Variants in SEPTIN9 observed in about 807,000 individuals in gnomAD.
The protein encoded by SEPTIN9 is septin-9.
SEPTIN9 carries 13 observed loss-of-function variants against 56.6 expected under a neutral mutation model. The observed-to-expected ratio is 0.23, with a 90% CI of 0.15 to 0.37. The LOEUF (loss-of-function observed/expected upper bound fraction) is 0.37. Among genes scored for constraint, SEPTIN9 ranks in the 10% least tolerant of loss-of-function variants. The pLI, the probability that SEPTIN9 is intolerant of heterozygous loss-of-function variation, is 1.00. For missense variants in SEPTIN9, 650 were observed against 823.1 expected (o/e 0.79, Z 2.57); for synonymous variants, 332 against 334.1 (o/e 0.99, Z 0.07).
Position 77,434,169 on chromosome 17 carries a change from C to A in SEPTIN9, c.721+31466C>A, listed in dbSNP as rs964030107. Among the ~76,000 whole-genome samples, 1 of 152,188 alleles carries A rather than the reference C, an allele frequency of 6.6e-6. No individual in the cohort carries two copies. Among genetic ancestry groups the A allele is most frequent in the East Asian group, 1.9e-4 (1 of 5,196 alleles). On this transcript the variant is annotated intron_variant, in intron 3 of 11. Transcript: ENST00000427177. This position sits in a 1 kb window ranked among gnomAD's most constrained non-coding sequence, Gnocchi z 5.0. ...GAGGCAGGGCCCCTTCCCCTTTAAT[C>A]TGGGCAACCTTGCTTTGGCCTGCTG...
chr17:77,460,073 A>AC (rs557058772), intron 3 of SEPTIN9, among the ~76,000 whole-genome samples: 31 of 79,062 alleles, frequency 3.9e-4, no homozygotes, highest in South Asian at 1.3e-3. Context: ...CCCAAGCCCC[A>AC]CCCCCCCCAG....
chr17:77,479,883 T>C (rs1172827308), intron 3 of SEPTIN9, among the ~76,000 whole-genome samples: 2 of 152,150 alleles, frequency 1.3e-5, no homozygotes, highest in Non-Finnish European at 2.9e-5. Context: ...GGGACTGAAC[T>C]GCTGCCCCGC....
At chr17:77,485,091 GGTGGTGATT>G (rs1345940959) in intron 4 of SEPTIN9, among the ~76,000 whole-genome samples, 1 of 9,892 alleles carries the variant, frequency 1.0e-4, no homozygotes, top group South Asian at 3.1e-3. Context: ...AAGGGGTGAT[GGTGGTGATT>G]GTGGTGATGT....
intron 3 of SEPTIN9, among the ~76,000 whole-genome samples, chr17:77,441,090 G>C (rs889799407): frequency 6.6e-6 from 1 of 152,188 alleles, no homozygotes; most frequent in Non-Finnish European, 1.5e-5. Flanking sequence ...TGGTGTGCTG[G>C]GCTCCTGGTT....
chr17:77,298,022 C>CGAG (rs2031890983), intron 1 of SEPTIN9, among the ~76,000 whole-genome samples: 1 of 152,024 alleles, frequency 6.6e-6, no homozygotes, highest in Non-Finnish European at 1.5e-5. Context: ...GTAGAGCAGG[C>CGAG]GAGGAGGAGG....
intron 2 of SEPTIN9, among the ~76,000 whole-genome samples, chr17:77,352,618 C>T (rs141931487): frequency 4.7e-4 from 72 of 152,246 alleles, no homozygotes; most frequent in African/African-American, 1.7e-3. Flanking sequence ...CTGGCCTTCA[C>T]CCTGTGTCTC....
At position 77,319,617 on chromosome 17, in the gene SEPTIN9, A is replaced by G. The variant is rs2032831150; in HGVS notation, c.76+12420A>G. On this transcript the variant is annotated intron_variant, in intron 2 of 11. Coordinates refer to ENST00000427177, the MANE Select transcript of SEPTIN9 (RefSeq NM_001113491.2). This position sits in a 1 kb window ranked among gnomAD's most constrained non-coding sequence, Gnocchi z 5.3. ...TTTTCTCAGCACGCTGGCCTGGGGC[A>G]CGGCCGTTCCTCCTGCCCAGCCACG... 3 of 1,061,268 alleles carry G rather than the reference A, an allele frequency of 2.8e-6. No homozygotes were observed. Among genetic ancestry groups the G allele is most frequent in the South Asian group, 4.6e-5 (1 of 21,936 alleles). The allele number at this position is 1,061,268 out of a possible 1,614,324, so 65.7% of individuals were successfully genotyped here.
intron 4 of SEPTIN9, among the ~76,000 whole-genome samples, chr17:77,484,727 A>G (rs1447064112): frequency 2.2e-3 from 49 of 21,948 alleles, no homozygotes; most frequent in African/African-American, 6.5e-3. Context: ...GGTGGTGGTG[A>G]TTGTGATGGT....
intron 1 of SEPTIN9, among the ~76,000 whole-genome samples, chr17:77,293,362 A>G (rs193158166): frequency 1.3e-5 from 2 of 152,028 alleles, no homozygotes; most frequent in African/African-American, 2.4e-5. Flanking sequence ...AGGTCTTACT[A>G]TGTTGCCCAG....
intron 3 of SEPTIN9, among the ~76,000 whole-genome samples, chr17:77,419,369 C>CGCT (rs1300954700): frequency 6.6e-6 from 1 of 151,936 alleles, no homozygotes; most frequent in East Asian, 1.9e-4. Flanking sequence ...CAGCAGCCGC[C>CGCT]GCAGGGACCC....
At chr17:77,334,455 TG>T (rs2033470559) in intron 2 of SEPTIN9, among the ~76,000 whole-genome samples, 2 of 151,708 alleles carry the variant, frequency 1.3e-5, no homozygotes, top group African/African-American at 4.8e-5. Context: ...TTGTTTCATA[TG>T]TTTTTTATAT....
At chr17:77,480,910 A>G (rs936767465) in intron 3 of SEPTIN9, among the ~76,000 whole-genome samples, 2 of 152,194 alleles carry the variant, frequency 1.3e-5, no homozygotes, top group African/African-American at 4.8e-5. Flanking sequence ...GCAGCCGCCC[A>G]GCCTGCGTGG....
At chr17:77,322,068 C>T (rs767396996) in intron 2 of SEPTIN9, among the ~76,000 whole-genome samples, 65 of 152,240 alleles carry the variant, frequency 4.3e-4, no homozygotes, top group Non-Finnish European at 8.1e-4. Flanking sequence ...ACTCCACCCG[C>T]CTGGCTGGCA....
Position 77,476,008 on chromosome 17 carries a change from C to T in SEPTIN9, c.722-6136C>T, listed in dbSNP as rs2039199107. On this transcript the variant is annotated intron_variant, in intron 3 of 11. Coordinates refer to ENST00000427177, the MANE Select transcript of SEPTIN9 (RefSeq NM_001113491.2). The surrounding 1 kb of genome is among the most constrained non-coding windows in gnomAD (Gnocchi z 6.0). ...ATTGACTTGACCCTGAGCACTTTGTCCTGGGGTGCAGGCCCGGCTGTCACT... is the reference window on the plus strand; with the variant it reads ...ATTGACTTGACCCTGAGCACTTTGTTCTGGGGTGCAGGCCCGGCTGTCACT... 7.1e-6 allele frequency: 9 copies of T among 1,263,490 alleles called. No homozygotes were observed. The highest frequency in any genetic ancestry group is 1.0e-5 in the Non-Finnish European group (9 of 901,520). 78.3% of individuals were successfully genotyped at this position (1,263,490 alleles called of 1,614,324 possible).
rs547589407 is a variant in SEPTIN9, at chr17:77,499,951, G to A, written c.*1293G>A. 1.7e-5 allele frequency: 4 copies of A among 241,694 alleles called. No homozygotes were observed. In the South Asian group the frequency reaches 6.0e-4, roughly 37 times the overall value. 15.0% of individuals were successfully genotyped at this position (241,694 alleles called of 1,614,324 possible). A position where few individuals can be genotyped will look rare whatever the true frequency, so the allele number is the denominator to read the frequency against. On this transcript the variant is annotated 3_prime_UTR_variant, in exon 12 of 12. Coordinates refer to ENST00000427177, the MANE Select transcript of SEPTIN9 (RefSeq NM_001113491.2). ...CAAGGTTTCGTGGCAGCACGGCCCG[G>A]CCCCTCACCCTCTGTCCCCACGAGG...
At position 77,444,213 on chromosome 17, in the gene SEPTIN9, G is replaced by A. The variant is rs73375380; in HGVS notation, c.722-37931G>A. ...GATTGCAGGGGTCCTCGAATGCAAG[G>A]GAAGAATTTCAACTTTAACAGAGGA... On this transcript the variant is annotated intron_variant, in intron 3 of 11. Coordinates refer to ENST00000427177, the MANE Select transcript of SEPTIN9 (RefSeq NM_001113491.2). Among the ~76,000 whole-genome samples, 557 of 152,308 alleles carry A rather than the reference G, an allele frequency of 3.7e-3. 1 individual carries two copies. The highest frequency in any genetic ancestry group is 0.012 in the African/African-American group (519 of 41,568).
Position 77,344,424 on chromosome 17 carries a change from G to A in SEPTIN9, c.76+37227G>A, listed in dbSNP as rs537290238. Among the ~76,000 whole-genome samples the A allele has an allele frequency of 2.6e-5, 4 of 152,342 alleles. No individual in the cohort carries two copies. The South Asian group carries it at 6.2e-4, about 24-fold the overall frequency. On this transcript the variant is annotated intron_variant, in intron 2 of 11. Transcript: ENST00000427177. ...ACTGCTGGTGGGAATGTAAAATGGTGCAGCTGCTGTGGAAAAGATATAACA... is the reference window on the plus strand; with the variant it reads ...ACTGCTGGTGGGAATGTAAAATGGTACAGCTGCTGTGGAAAAGATATAACA...
chr17:77,350,610 AGTGTGTGTGTGT>A (rs57851361), intron 2 of SEPTIN9, among the ~76,000 whole-genome samples: 1 of 149,396 alleles, frequency 6.7e-6, no homozygotes, highest in Admixed American at 6.7e-5. Context: ...CCTCCAGTGC[AGTGTGTGTGTGT>A]GTGTGTGTGT....
At chr17:77,455,728 G>A (rs1043466587) in intron 3 of SEPTIN9, among the ~76,000 whole-genome samples, 6 of 152,224 alleles carry the variant, frequency 3.9e-5, no homozygotes, top group African/African-American at 1.4e-4. Flanking sequence ...GTCGATCCAC[G>A]TCCTGAGTTC....
Sources: gnomAD v4.1 joint callset for allele counts (sites outside exome capture counted in the v4.1 genomes callset) on GRCh38, gnomAD v4.1.1 for gene constraint, Gnocchi (gnomAD v3.1) non-coding constraint, MANE v1.5 for transcripts, NCBI Gene and HGNC (gene_info 2026-07-23, HGNC 2026-07-21) for gene names.